RNF216: variants seen among roughly 807,000 people sequenced by gnomAD.
The protein encoded by RNF216 is ring finger protein 216.
Under a neutral mutation model 110.8 loss-of-function variants are expected in RNF216, and 72 were observed. That is an observed-to-expected ratio of 0.65 (90% CI 0.54 to 0.79). RNF216 has a LOEUF of 0.79. RNF216 is among the 30% of genes least tolerant of loss of function. The probability of loss-of-function intolerance (pLI) is 0.00; values close to 1 mark genes in which losing one functional copy is unlikely to be tolerated. For synonymous variants in RNF216, 495 were observed against 407.5 expected (o/e 1.21, Z -2.59); for missense variants, 1,342 against 1,141.2 (o/e 1.18, Z -2.54).
Position 5,741,373 on chromosome 7 carries a change from G to C in RNF216, c.644C>G (p.Ser215Ter). The change falls in exon 4 of 17, where the codon TCA becomes TGA. Residue 215 changes from serine (S) to a stop codon, truncating the protein, a stop_gained. Transcript: ENST00000389902. LOFTEE classifies it high-confidence loss of function. ...GGCCTGATCATCTGCTAGAGCAGCT[G>C]ACTCTCCTAGATTTGATAACAGCTC... ...ETELLSNLGE[S>*]AALADDQAIE... is the part of the protein sequence containing the mutation. 1 of 1,614,172 alleles carries C rather than the reference G, an allele frequency of 6.2e-7. No homozygotes were observed. Among genetic ancestry groups the C allele is most frequent in the Non-Finnish European group, 8.5e-7 (1 of 1,180,028 alleles).
rs1190825714 is a variant in RNF216, at chr7:5,770,451, A to C, written c.-69-9313T>G. On this transcript the variant is annotated intron_variant, in intron 1 of 16. Coordinates refer to ENST00000389902, the MANE Select transcript of RNF216 (RefSeq NM_207111.4). Reference sequence around the variant, plus strand: ...ACTCCAGCCTGGGCAACGAGAGCAAAACTCCGTCTCAAAAAAAAAAAAAAG... The same window carrying C: ...ACTCCAGCCTGGGCAACGAGAGCAACACTCCGTCTCAAAAAAAAAAAAAAG... Among the ~76,000 whole-genome samples, 4 of 151,654 alleles carry C rather than the reference A, an allele frequency of 2.6e-5. No individual in the cohort carries two copies. The South Asian group carries it at 6.2e-4, about 24-fold the overall frequency.
chr7:5,707,653 T>C (rs1792376796), intron 13 of RNF216, among the ~76,000 whole-genome samples: 1 of 151,512 alleles, frequency 6.6e-6, no homozygotes, highest in African/African-American at 2.4e-5. Context: ...ATGGAAGTGG[T>C]GACAGTGATA....
At chr7:5,754,794 T>C (rs574160561) in intron 2 of RNF216, among the ~76,000 whole-genome samples, 19 of 152,104 alleles carry the variant, frequency 1.2e-4, no homozygotes, top group Non-Finnish European at 2.4e-4. Flanking sequence ...TTGGGAGGCC[T>C]AGACAGGCAG....
intron 3 of RNF216, among the ~76,000 whole-genome samples, chr7:5,748,092 C>T (rs2128659938): frequency 6.6e-6 from 1 of 152,268 alleles, no homozygotes; most frequent in East Asian, 1.9e-4. Flanking sequence ...AAATATCAGA[C>T]CCCTCCCTAA....
chr7:5,659,043 A>G (rs963116800), intron 13 of RNF216, among the ~76,000 whole-genome samples: 1 of 152,158 alleles, frequency 6.6e-6, no homozygotes, highest in African/African-American at 2.4e-5. Flanking sequence ...GGTGAGAGAG[A>G]AGCCTAGAAA....
intron 10 of RNF216, 45 bp from the exon 11 acceptor site, chr7:5,715,235 G>T: frequency 1.3e-6 from 2 of 1,582,842 alleles, no homozygotes; most frequent in South Asian, 2.2e-5. Flanking sequence ...TGCACTTAAG[G>T]AGAGGGGGAG....
intron 3 of RNF216, among the ~76,000 whole-genome samples, chr7:5,744,839 G>T (rs1454606418): frequency 6.6e-6 from 1 of 152,108 alleles, no homozygotes; most frequent in South Asian, 2.1e-4. Context: ...GGGAGTGGTA[G>T]CGCATGCCTG....
At chr7:5,780,872 C>T (rs1303512482) in intron 1 of RNF216, among the ~76,000 whole-genome samples, 1 of 152,242 alleles carries the variant, frequency 6.6e-6, no homozygotes, top group Non-Finnish European at 1.5e-5. Context: ...GGGTTGGTTG[C>T]AAGTGGCCCA....
At chr7:5,757,706 G>A (rs941944026) in intron 2 of RNF216, among the ~76,000 whole-genome samples, 1 of 152,154 alleles carries the variant, frequency 6.6e-6, no homozygotes, top group Non-Finnish European at 1.5e-5. Flanking sequence ...GCAGATTAGT[G>A]GTTTCCTTAG....
chr7:5,770,876 C>T (rs925307484), intron 1 of RNF216, among the ~76,000 whole-genome samples: 4 of 150,840 alleles, frequency 2.7e-5, no homozygotes, highest in African/African-American at 4.9e-5. Context: ...GGTGTGATCT[C>T]GGCTCACTGC....
intron 8 of RNF216, among the ~76,000 whole-genome samples, chr7:5,722,549 C>T (rs930449236): frequency 5.3e-5 from 8 of 151,818 alleles, no homozygotes; most frequent in African/African-American, 1.7e-4. Flanking sequence ...CGCCACCATG[C>T]CCGGCTAATT....
chr7:5,777,214 A>T (rs1796834412), intron 1 of RNF216, among the ~76,000 whole-genome samples: 1 of 152,170 alleles, frequency 6.6e-6, no homozygotes, highest in Non-Finnish European at 1.5e-5. Context: ...CTCTGCTGAC[A>T]ACATGTCGAC....
chr7:5,767,346 A>G (rs1796258052), intron 1 of RNF216, among the ~76,000 whole-genome samples: 1 of 152,188 alleles, frequency 6.6e-6, no homozygotes, highest in South Asian at 2.1e-4. Context: ...CTGAGGCAGA[A>G]GCAGCAATTT....
At chr7:5,770,888 A>C (rs1231227616) in intron 1 of RNF216, among the ~76,000 whole-genome samples, 1 of 150,336 alleles carries the variant, frequency 6.7e-6, no homozygotes, top group African/African-American at 2.5e-5. Context: ...GCTCACTGCA[A>C]CCTCCGCCTC....
At chr7:5,743,508 G>C (rs1047308457) in intron 3 of RNF216, among the ~76,000 whole-genome samples, 8 of 152,160 alleles carry the variant, frequency 5.3e-5, no homozygotes, top group African/African-American at 1.9e-4. Flanking sequence ...AGCTCAGTCT[G>C]TACTGAAATG....
intron 7 of RNF216, among the ~76,000 whole-genome samples, chr7:5,726,283 C>T (rs1584519735): frequency 6.6e-6 from 1 of 151,994 alleles, no homozygotes; most frequent in Non-Finnish European, 1.5e-5. Context: ...TCAAACAAAA[C>T]AAAACTGTCC....
intron 13 of RNF216, among the ~76,000 whole-genome samples, chr7:5,707,210 CTTCT>C (rs764156217): frequency 3.9e-5 from 6 of 152,158 alleles, no homozygotes; most frequent in African/African-American, 7.2e-5. Flanking sequence ...CAGCTTTGTT[CTTCT>C]TTCTTAAGAC....
At chr7:5,737,765 G>T (rs1562446279) in intron 5 of RNF216, among the ~76,000 whole-genome samples, 1 of 152,066 alleles carries the variant, frequency 6.6e-6, no homozygotes, top group African/African-American at 2.4e-5. Context: ...AGGAACTTTG[G>T]GGAAAGGTGT....
At chr7:5,673,357 A>C (rs1790050815) in intron 13 of RNF216, among the ~76,000 whole-genome samples, 1 of 152,210 alleles carries the variant, frequency 6.6e-6, no homozygotes, top group South Asian at 2.1e-4. Context: ...AGTGGGCTGG[A>C]GATAGCTCTG....
Sources: allele counts gnomAD v4.1 joint callset (sites outside exome capture counted in the v4.1 genomes callset), GRCh38; gene constraint gnomAD v4.1.1; transcripts MANE v1.5; gene names NCBI Gene and HGNC (gene_info 2026-07-23, HGNC 2026-07-21).